The following ST6GAL2 variants were observed in gnomAD, a reference collection of about 807,000 sequenced individuals.
The protein encoded by ST6GAL2 is ST6 beta-galactoside alpha-2,6-sialyltransferase 2, also known as beta-galactoside alpha-2,6-sialyltransferase 2.
In ST6GAL2, 24 loss-of-function variants were observed where a neutral mutation model predicts 37.5. That is an observed-to-expected ratio of 0.64 (90% CI 0.46 to 0.90). ST6GAL2 has a LOEUF of 0.90. Ranked by LOEUF, ST6GAL2 falls within the 40% of genes least tolerant of loss-of-function variation. The pLI is 0.00. For synonymous variants in ST6GAL2, 306 were observed against 295.1 expected, an observed-to-expected ratio of 1.04 and a Z score of -0.38; for missense variants, 715 against 712.7, an observed-to-expected ratio of 1.00 and a Z score of -0.04.
chr2:106,813,504 G>A lies in ST6GAL2; in HGVS notation c.1319-6555C>T, dbSNP rs115884248. Among the ~76,000 whole-genome samples, 1,098 of 152,192 alleles carry A rather than the reference G, an allele frequency of 7.2e-3. 7 individuals carry two copies. Among genetic ancestry groups the A allele is most frequent in the Non-Finnish European group, 9.2e-3 (627 of 68,012 alleles). ...TTATCACAAATTCTAGATGACTGAG[G>A]TTTCCTTTATACATCTTTAATTGGC... On this transcript the variant is annotated intron_variant, in intron 5 of 5. Coordinates refer to ENST00000409382, the MANE Select transcript of ST6GAL2 (RefSeq NM_001142351.2).
intron 1 of ST6GAL2, among the ~76,000 whole-genome samples, chr2:106,847,823 C>G (rs1322470568): frequency 6.6e-6 from 1 of 152,104 alleles, no homozygotes; most frequent in African/African-American, 2.4e-5. Context: ...CCTGTGGAAT[C>G]TGAGTGTATC....
chr2:106,877,243 G>A (rs1424724393), intron 1 of ST6GAL2, among the ~76,000 whole-genome samples: 8 of 152,272 alleles, frequency 5.3e-5, no homozygotes, highest in Middle Eastern at 3.4e-3. Context: ...GCAGACCTTC[G>A]ATCCCAGAAG....
intron 5 of ST6GAL2, among the ~76,000 whole-genome samples, chr2:106,827,462 A>G (rs1286070017): frequency 6.6e-6 from 1 of 152,146 alleles, no homozygotes; most frequent in African/African-American, 2.4e-5. Flanking sequence ...ATGCTTCACC[A>G]TGACAAGGCA....
At chr2:106,816,531 G>T (rs186795117) in intron 5 of ST6GAL2, among the ~76,000 whole-genome samples, 1 of 152,264 alleles carries the variant, frequency 6.6e-6, no homozygotes, top group Non-Finnish European at 1.5e-5. Flanking sequence ...AGGTGGAGTT[G>T]CTCAGTAATA....
chr2:106,811,021 G>T (rs1021026389), intron 5 of ST6GAL2, among the ~76,000 whole-genome samples: 7 of 151,908 alleles, frequency 4.6e-5, no homozygotes, highest in African/African-American at 1.7e-4. Context: ...AGACAAGGAG[G>T]TTTATGGTGC....
In ST6GAL2 at chr2:106,843,708, A is replaced by G; in HGVS notation, c.270T>C (p.His90=). ...LPRAHPAGSF[H]AGPGDLQKWA... ...ATTTCTGCAGGTCTCCAGGCCCCGC[A>G]TGAAAGGAACCGGCTGGGTGGGCGC... The change falls in exon 2 of 6, where the codon CAT becomes CAC. Residue 90 remains histidine (H), a synonymous_variant. Transcript: ENST00000409382. 1 of 1,613,084 alleles carries G rather than the reference A, an allele frequency of 6.2e-7. No individual in the cohort carries two copies.
chr2:106,824,467 C>T (rs1485901206), intron 5 of ST6GAL2, among the ~76,000 whole-genome samples: 1 of 152,080 alleles, frequency 6.6e-6, no homozygotes, highest in African/African-American at 2.4e-5. Flanking sequence ...CCCGTCTCTA[C>T]TAAGAATACA....
At chr2:106,864,499 T>A (rs771424967) in intron 1 of ST6GAL2, among the ~76,000 whole-genome samples, 11 of 152,242 alleles carry the variant, frequency 7.2e-5, no homozygotes, top group Non-Finnish European at 4.4e-5. Context: ...ATTATTCTTT[T>A]TGCAAAATGT....
chr2:106,866,719 C>T (rs1359404051), intron 1 of ST6GAL2, among the ~76,000 whole-genome samples: 1 of 152,138 alleles, frequency 6.6e-6, no homozygotes, highest in East Asian at 1.9e-4. Context: ...CAAATGGTGA[C>T]ACAGAAGGAA....
chr2:106,853,875 G>A (rs1182629637), intron 1 of ST6GAL2, among the ~76,000 whole-genome samples: 3 of 152,186 alleles, frequency 2.0e-5, no homozygotes, highest in African/African-American at 7.2e-5. Context: ...CTACTAGTTA[G>A]GGTCTGCTGG....
intron 2 of ST6GAL2, among the ~76,000 whole-genome samples, chr2:106,839,367 T>C (rs1011316296): frequency 4.6e-5 from 7 of 152,124 alleles, no homozygotes; most frequent in Non-Finnish European, 8.8e-5. Flanking sequence ...TAGGAATCCG[T>C]TGTCATTTCT....
intron 4 of ST6GAL2, among the ~76,000 whole-genome samples, chr2:106,831,400 T>C (rs1419035734): frequency 6.6e-6 from 1 of 152,150 alleles, no homozygotes; most frequent in East Asian, 1.9e-4. Flanking sequence ...TAAGGTCCAA[T>C]AGCTAGAAAC....
chr2:106,809,413 T>C (rs1393174338), intron 5 of ST6GAL2, among the ~76,000 whole-genome samples: 3 of 152,336 alleles, frequency 2.0e-5, no homozygotes, highest in Admixed American at 1.3e-4. Context: ...GGCATTTCTA[T>C]GAGCTAATAA....
intron 3 of ST6GAL2, among the ~76,000 whole-genome samples, chr2:106,833,848 C>T (rs1676523595): frequency 6.6e-6 from 1 of 152,052 alleles, no homozygotes; most frequent in Non-Finnish European, 1.5e-5. Flanking sequence ...TCCTCCTATT[C>T]ATGTCATGTC....
intron 2 of ST6GAL2, among the ~76,000 whole-genome samples, chr2:106,839,073 G>A (rs1049269906): frequency 3.6e-4 from 55 of 151,974 alleles, no homozygotes; most frequent in African/African-American, 1.3e-3. Context: ...AAAAACAAGA[G>A]CATTTTGAAC....
Position 106,843,803 on chromosome 2 carries a change from G to A in ST6GAL2, c.175C>T (p.Arg59Trp), listed in dbSNP as rs1171034466. The change falls in exon 2 of 6, where the codon CGG becomes TGG. Residue 59 changes from arginine to tryptophan, a missense_variant. Arg to Trp is a moderately radical substitution (Grantham distance 101). Coordinates refer to ENST00000409382, the MANE Select transcript of ST6GAL2 (RefSeq NM_001142351.2). ...RRLLPVQGKQ[R>W]AIMGAAHEPS... ...TCATGTGCGGCGCCCATGATGGCCC[G>A]CTGCTTCCCCTGCACCGGCAGGAGC... The A allele has an allele frequency of 4.3e-6, 7 of 1,610,992 alleles. No homozygotes were observed. Among genetic ancestry groups the A allele is most frequent in the Non-Finnish European group, 5.9e-6 (7 of 1,178,590 alleles).
At chr2:106,866,390 C>G (rs1329256159) in intron 1 of ST6GAL2, among the ~76,000 whole-genome samples, 1 of 152,198 alleles carries the variant, frequency 6.6e-6, no homozygotes, top group African/African-American at 2.4e-5. Flanking sequence ...AGGCATGGGT[C>G]ATATGTGTGC....
At chr2:106,838,048 C>G (rs961909604) in intron 2 of ST6GAL2, among the ~76,000 whole-genome samples, 2 of 152,142 alleles carry the variant, frequency 1.3e-5, no homozygotes, top group African/African-American at 4.8e-5. Flanking sequence ...GACTGTCTCT[C>G]ACACAGACAC....
At chr2:106,880,672 C>T (rs1341540204) in intron 1 of ST6GAL2, among the ~76,000 whole-genome samples, 1 of 152,194 alleles carries the variant, frequency 6.6e-6, no homozygotes, top group Non-Finnish European at 1.5e-5. Context: ...TTGTTGGTTT[C>T]TCACAAGCCA....
Sources: gnomAD v4.1 joint callset for allele counts (sites outside exome capture counted in the v4.1 genomes callset) on GRCh38, gnomAD v4.1.1 for gene constraint, MANE v1.5 for transcripts, NCBI Gene and HGNC (gene_info 2026-07-23, HGNC 2026-07-21) for gene names.